INPP4B: variants seen among roughly 807,000 people sequenced by gnomAD.
INPP4B encodes the protein inositol polyphosphate 4-phosphatase type II.
INPP4B carries 55 observed loss-of-function variants against 122.5 expected under a neutral mutation model. That is an observed-to-expected ratio of 0.45 (90% CI 0.36 to 0.56). The LOEUF (loss-of-function observed/expected upper bound fraction) is 0.56, where lower values mean the gene tolerates loss of function less well. Among genes scored for constraint, INPP4B ranks in the 20% least tolerant of loss-of-function variants. INPP4B has a pLI of 0.00. For synonymous variants in INPP4B, 403 were observed against 388.7 expected (o/e 1.04, Z -0.43); for missense variants, 1,000 against 1,097.7 (o/e 0.91, Z 1.26).
chr4:142,381,354 T>C (rs1794011577), intron 7 of INPP4B, among the ~76,000 whole-genome samples: 1 of 152,156 alleles, frequency 6.6e-6, no homozygotes, highest in African/African-American at 2.4e-5. Context: ...CATTTTTTCA[T>C]GTTTCTTGTT....
At chr4:142,476,766 T>C (rs538072117) in intron 2 of INPP4B, among the ~76,000 whole-genome samples, 2 of 152,168 alleles carry the variant, frequency 1.3e-5, no homozygotes, top group African/African-American at 4.8e-5. Context: ...AACTATCCAA[T>C]GTATACACAC....
chr4:142,221,512 C>T (rs1849386056), intron 12 of INPP4B, among the ~76,000 whole-genome samples: 2 of 151,684 alleles, frequency 1.3e-5, no homozygotes, highest in Non-Finnish European at 2.9e-5. Context: ...AAACAAACAC[C>T]AAATTTCTAT....
At chr4:142,567,029 C>A (rs1033877393) in intron 2 of INPP4B, among the ~76,000 whole-genome samples, 4 of 152,094 alleles carry the variant, frequency 2.6e-5, no homozygotes, top group Non-Finnish European at 5.9e-5. Flanking sequence ...AAACGCTATC[C>A]TTTTACACAT....
At chr4:142,509,978 A>G (rs1004704817) in intron 2 of INPP4B, among the ~76,000 whole-genome samples, 4 of 152,202 alleles carry the variant, frequency 2.6e-5, no homozygotes, top group African/African-American at 9.6e-5. Context: ...AATAAATGGC[A>G]TCTAATTAAG....
At chr4:142,351,410 C>T (rs1363473669) in intron 7 of INPP4B, among the ~76,000 whole-genome samples, 1 of 152,002 alleles carries the variant, frequency 6.6e-6, no homozygotes, top group Non-Finnish European at 1.5e-5. Context: ...CAGTTACTTA[C>T]ATTTAATATC....
intron 2 of INPP4B, among the ~76,000 whole-genome samples, chr4:142,720,793 C>CTATA (rs1253977495): frequency 4.3e-4 from 16 of 37,376 alleles, no homozygotes; most frequent in East Asian, 1.3e-3. Flanking sequence ...CTCTCTCTCT[C>CTATA]TCTCTCTCTC....
chr4:142,845,330 T>A (rs1252863304), intron 1 of INPP4B, among the ~76,000 whole-genome samples: 1 of 152,150 alleles, frequency 6.6e-6, no homozygotes, highest in African/African-American at 2.4e-5. Flanking sequence ...CATCCTCATC[T>A]TCATATCAGC....
At chr4:142,147,650 T>A (rs1211386712) in intron 17 of INPP4B, among the ~76,000 whole-genome samples, 1 of 152,180 alleles carries the variant, frequency 6.6e-6, no homozygotes, top group Non-Finnish European at 1.5e-5. Context: ...CAAAATCACA[T>A]CCAAAACTTA....
At chr4:142,656,896 A>T (rs1211850909) in intron 2 of INPP4B, among the ~76,000 whole-genome samples, 1 of 152,068 alleles carries the variant, frequency 6.6e-6, no homozygotes, top group Non-Finnish European at 1.5e-5. Flanking sequence ...GATTTGTGGG[A>T]CTAGTCTTTG....
rs544718711 is a variant in INPP4B, at chr4:142,648,811, C to T, written c.-191+77028G>A. Reference sequence around the variant, plus strand: ...TTCATAGTTGAACAAAAGGCAGCAACGTCCCTGTCTGACAGCTCTGAAGAC... The same window carrying T: ...TTCATAGTTGAACAAAAGGCAGCAATGTCCCTGTCTGACAGCTCTGAAGAC... On this transcript the variant is annotated intron_variant, in intron 2 of 25. Coordinates refer to ENST00000262992, the MANE Select transcript of INPP4B (RefSeq NM_001101669.3). Among the ~76,000 whole-genome samples, 20 of 152,218 alleles carry T rather than the reference C, an allele frequency of 1.3e-4. No homozygotes were observed. The South Asian group carries it at 3.7e-3, about 28-fold the overall frequency.
chr4:142,748,772 A>G (rs1194533528), intron 1 of INPP4B, among the ~76,000 whole-genome samples: 1 of 152,040 alleles, frequency 6.6e-6, no homozygotes, highest in African/African-American at 2.4e-5. Flanking sequence ...GAGGAAAAAC[A>G]AAAAGTACAA....
intron 11 of INPP4B, among the ~76,000 whole-genome samples, chr4:142,242,828 A>G (rs1486429034): frequency 1.3e-5 from 2 of 152,106 alleles, no homozygotes; most frequent in Non-Finnish European, 2.9e-5. Context: ...CAACTGTACT[A>G]CAGTAGTCTG....
rs137908250 is a variant in INPP4B at position 142,148,988 on chromosome 4, C to T, written c.1564-2992G>A. ...GGGACACTCAGCAGCAGACCCTAAG[C>T]AGACTCCTTCTATCCCTTGTCTGTT... On this transcript the variant is annotated intron_variant, in intron 17 of 25. Coordinates refer to ENST00000262992, the MANE Select transcript of INPP4B (RefSeq NM_001101669.3). 3.2e-3 allele frequency among the ~76,000 whole-genome samples: 494 copies of T among 152,320 alleles called. 2 individuals carry two copies. Among genetic ancestry groups the T allele is most frequent in the African/African-American group, 0.011 (443 of 41,580 alleles).
intron 2 of INPP4B, among the ~76,000 whole-genome samples, chr4:142,596,177 A>G (rs1560844410): frequency 6.6e-6 from 1 of 152,058 alleles, no homozygotes; most frequent in African/African-American, 2.4e-5. Context: ...AAAGACCACA[A>G]TAATTATTCC....
At chr4:142,757,695 C>T (rs998005367) in intron 1 of INPP4B, among the ~76,000 whole-genome samples, 3 of 151,558 alleles carry the variant, frequency 2.0e-5, no homozygotes, top group African/African-American at 7.3e-5. Context: ...CTGAAAGGCA[C>T]CTTGGTTGCT....
intron 2 of INPP4B, among the ~76,000 whole-genome samples, chr4:142,679,186 G>A (rs1174443325): frequency 6.6e-6 from 1 of 151,848 alleles, no homozygotes; most frequent in Non-Finnish European, 1.5e-5. Flanking sequence ...CTTTATACAG[G>A]TTTATATATT....
At chr4:142,171,105 T>A (rs1381919750) in intron 16 of INPP4B, among the ~76,000 whole-genome samples, 1 of 151,748 alleles carries the variant, frequency 6.6e-6, no homozygotes, top group African/African-American at 2.4e-5. Context: ...ATGGCTATTG[T>A]CTTCAGGTGC....
intron 5 of INPP4B, among the ~76,000 whole-genome samples, chr4:142,412,736 G>T (rs2149254338): frequency 6.6e-6 from 1 of 151,906 alleles, no homozygotes; most frequent in African/African-American, 2.4e-5. Context: ...CTCTCATCTT[G>T]TCCTTCCTCT....
At chr4:142,485,623 T>A (rs1254045903) in intron 2 of INPP4B, among the ~76,000 whole-genome samples, 1 of 152,122 alleles carries the variant, frequency 6.6e-6, no homozygotes, top group Non-Finnish European at 1.5e-5. Context: ...AATAGCTTCC[T>A]GTTTTGTAAG....
Sources: allele counts gnomAD v4.1 joint callset (sites outside exome capture counted in the v4.1 genomes callset), GRCh38; gene constraint gnomAD v4.1.1; transcripts MANE v1.5; gene names NCBI Gene and HGNC (gene_info 2026-07-23, HGNC 2026-07-21).